The following SEL1L2 variants were observed in gnomAD, a reference collection of about 807,000 sequenced individuals.
SEL1L2 encodes SEL1L2 adaptor subunit of SYVN1 ubiquitin ligase.
Under a neutral mutation model 98.8 loss-of-function variants are expected in SEL1L2, and 89 were observed. That is an observed-to-expected ratio of 0.90 (90% CI 0.76 to 1.07). The LOEUF (loss-of-function observed/expected upper bound fraction) is 1.07, where lower values mean the gene tolerates loss of function less well. Among genes scored for constraint, SEL1L2 ranks in the 50% least tolerant of loss-of-function variants. The pLI is 0.00. For synonymous variants in SEL1L2, 262 were observed against 278.5 expected (o/e 0.94, Z 0.59); for missense variants, 788 against 812.0 (o/e 0.97, Z 0.36).
At chr20:13,921,876 A>G (rs940178937) in intron 3 of SEL1L2, among the ~76,000 whole-genome samples, 1 of 152,090 alleles carries the variant, frequency 6.6e-6, no homozygotes, top group Admixed American at 6.6e-5. Context: ...TACCAACTAT[A>G]TAGCCTTGGG....
intron 1 of SEL1L2, among the ~76,000 whole-genome samples, chr20:13,957,403 A>C (rs553083585): frequency 6.6e-6 from 1 of 152,198 alleles, no homozygotes; most frequent in Admixed American, 6.5e-5. Flanking sequence ...CGCCCAGCCC[A>C]TTGTATTTAT....
At chr20:13,862,018 G>T (rs1239444279) in intron 17 of SEL1L2, among the ~76,000 whole-genome samples, 1 of 152,132 alleles carries the variant, frequency 6.6e-6, no homozygotes, top group Non-Finnish European at 1.5e-5. Context: ...CATCTGATTT[G>T]CTTACTAGTT....
intron 17 of SEL1L2, among the ~76,000 whole-genome samples, chr20:13,864,226 T>C (rs1050564585): frequency 2.0e-5 from 3 of 152,204 alleles, no homozygotes; most frequent in African/African-American, 4.8e-5. Context: ...TAAAATTGCA[T>C]TGATGGCTGT....
intron 2 of SEL1L2, among the ~76,000 whole-genome samples, chr20:13,954,877 G>A (rs1480127372): frequency 1.3e-5 from 2 of 152,292 alleles, no homozygotes; most frequent in South Asian, 4.1e-4. Context: ...CTGAGATTTA[G>A]GTGAAGCTCA....
chr20:13,991,989 CAG>C (rs1253508145), upstream of SEL1L2, among the ~76,000 whole-genome samples: 1 of 152,020 alleles, frequency 6.6e-6, no homozygotes, highest in African/African-American at 2.4e-5. Context: ...GCCTGAGCGA[CAG>C]AGTGAGACTC....
chr20:13,863,161 G>C (rs887517395), intron 17 of SEL1L2, among the ~76,000 whole-genome samples: 1 of 152,306 alleles, frequency 6.6e-6, no homozygotes, highest in South Asian at 2.1e-4. Flanking sequence ...GCTCTAAAGA[G>C]AAACCTATTC....
intron 1 of SEL1L2, among the ~76,000 whole-genome samples, chr20:13,964,720 CT>C (rs1185129743): frequency 6.6e-6 from 1 of 152,046 alleles, no homozygotes; most frequent in African/African-American, 2.4e-5. Context: ...TTCCAAAGTG[CT>C]GGCGGCCATC....
At chr20:13,900,422 A>G (rs1192361933) in intron 5 of SEL1L2, among the ~76,000 whole-genome samples, 4 of 152,156 alleles carry the variant, frequency 2.6e-5, no homozygotes, top group Admixed American at 2.0e-4. Flanking sequence ...TCTGGTACAC[A>G]CTGAAAAAGT....
At chr20:13,907,794 G>A (rs1455871084) in intron 5 of SEL1L2, among the ~76,000 whole-genome samples, 1 of 141,340 alleles carries the variant, frequency 7.1e-6, no homozygotes, top group African/African-American at 2.7e-5. Context: ...GAGGGACACG[G>A]TCTGGTTCTG....
chr20:13,971,424 T>A (rs1336679547), intron 1 of SEL1L2, among the ~76,000 whole-genome samples: 1 of 152,104 alleles, frequency 6.6e-6, no homozygotes. Context: ...TACTTTTGTT[T>A]TGTTTTGTTT....
intron 19 of SEL1L2, 120 bp downstream of exon 19, chr20:13,850,071 T>C: frequency 8.7e-7 from 1 of 1,149,148 alleles, no homozygotes; most frequent in South Asian, 1.5e-5. Context: ...GACTCTGAAT[T>C]TTACTTCTCA....
At chr20:13,863,548 A>G (rs1429294789) in intron 17 of SEL1L2, among the ~76,000 whole-genome samples, 1 of 152,196 alleles carries the variant, frequency 6.6e-6, no homozygotes, top group African/African-American at 2.4e-5. Flanking sequence ...TTTCATTATT[A>G]GATTCCCTAG....
intron 6 of SEL1L2, 50 bp downstream of exon 6, chr20:13,888,409 C>A: frequency 8.3e-7 from 1 of 1,203,928 alleles, no homozygotes; most frequent in South Asian, 1.3e-5. Flanking sequence ...ATTCAATGTC[C>A]CTTTTAGAGA....
intron 5 of SEL1L2, chr20:13,913,529 A>G (rs2048286622): frequency 3.1e-6 from 1 of 325,048 alleles, no homozygotes; most frequent in Non-Finnish European, 5.5e-6. Flanking sequence ...CAAACATGTC[A>G]CCCTAAGATA....
chr20:13,911,698 A>G (rs1051278021), intron 5 of SEL1L2, among the ~76,000 whole-genome samples: 3 of 152,198 alleles, frequency 2.0e-5, no homozygotes, highest in Non-Finnish European at 4.4e-5. Context: ...TAACATGGAA[A>G]GACATCTATG....
chr20:13,860,284 T>C (rs566905450), intron 17 of SEL1L2, among the ~76,000 whole-genome samples: 1 of 152,284 alleles, frequency 6.6e-6, no homozygotes, highest in South Asian at 2.1e-4. Flanking sequence ...CACTGAACCT[T>C]TTCAAAAGTG....
intron 3 of SEL1L2, among the ~76,000 whole-genome samples, chr20:13,927,743 A>G (rs1178190493): frequency 1.3e-5 from 2 of 152,224 alleles, no homozygotes; most frequent in African/African-American, 4.8e-5. Flanking sequence ...GAACTAAATG[A>G]GAATAGAGTT....
At chr20:13,939,468 A>C (rs1306990360) in intron 2 of SEL1L2, among the ~76,000 whole-genome samples, 4 of 152,168 alleles carry the variant, frequency 2.6e-5, no homozygotes, top group Admixed American at 2.6e-4. Context: ...CAATTTTAGC[A>C]TATCCTAGGC....
At chr20:13,927,334 A>T (rs982719029) in intron 3 of SEL1L2, among the ~76,000 whole-genome samples, 2 of 152,236 alleles carry the variant, frequency 1.3e-5, no homozygotes, top group African/African-American at 2.4e-5. Context: ...ATATTTCTTC[A>T]TTCCAACTAT....
Sources: gnomAD v4.1 joint callset for allele counts (sites outside exome capture counted in the v4.1 genomes callset) on GRCh38, gnomAD v4.1.1 for gene constraint, MANE v1.5 for transcripts, NCBI Gene and HGNC (gene_info 2026-07-23, HGNC 2026-07-21) for gene names.